ROBO1: variants seen among roughly 807,000 people sequenced by gnomAD.
ROBO1 encodes roundabout homolog 1.
Under a neutral mutation model 195.9 loss-of-function variants are expected in ROBO1, and 149 were observed. That is an observed-to-expected ratio of 0.76 (90% CI 0.67 to 0.87). The LOEUF (loss-of-function observed/expected upper bound fraction) is 0.87. Among genes scored for constraint, ROBO1 ranks in the 40% least tolerant of loss-of-function variants. The probability of loss-of-function intolerance (pLI) is 0.00; values close to 1 mark genes in which losing one functional copy is unlikely to be tolerated. For missense variants in ROBO1, 1,933 were observed against 2,068.3 expected (o/e 0.93, Z 1.27); for synonymous variants, 816 against 733.2 (o/e 1.11, Z -1.82).
chr3:78,914,852 G>A (rs1408030930), intron 4 of ROBO1, among the ~76,000 whole-genome samples: 1 of 149,950 alleles, frequency 6.7e-6, no homozygotes, highest in African/African-American at 2.4e-5. Context: ...CATACATGAA[G>A]AAAATACATT....
intron 2 of ROBO1, among the ~76,000 whole-genome samples, chr3:79,415,904 T>G (rs1040654711): frequency 6.6e-6 from 1 of 152,126 alleles, no homozygotes; most frequent in Non-Finnish European, 1.5e-5. Context: ...CAGCTAGGTT[T>G]CTGGGATAAA....
intron 2 of ROBO1, among the ~76,000 whole-genome samples, chr3:79,133,793 T>A (rs1461476273): frequency 1.5e-4 from 20 of 135,744 alleles, no homozygotes; most frequent in South Asian, 5.2e-4. Flanking sequence ...TTCTGTTCTG[T>A]TTTTTCCCCA....
At chr3:79,542,317 T>C (rs1942102372) in intron 2 of ROBO1, among the ~76,000 whole-genome samples, 1 of 152,082 alleles carries the variant, frequency 6.6e-6, no homozygotes, top group Non-Finnish European at 1.5e-5. Context: ...CTTCAAGTGT[T>C]TATTCTCTAT....
intron 2 of ROBO1, among the ~76,000 whole-genome samples, chr3:79,434,066 C>A (rs1048897587): frequency 1.3e-5 from 2 of 152,134 alleles, no homozygotes; most frequent in African/African-American, 2.4e-5. Context: ...AAAATTAATT[C>A]AAGATGCATT....
Position 79,618,766 on chromosome 3 carries a change from C to T in ROBO1, c.-50-28805G>A, listed in dbSNP as rs148875350. ...CCATGAGGAGATCCACCTACGACCT[C>T]GGGTCCACAGACCAGCCCAAGGAAC... On this transcript the variant is annotated intron_variant, in intron 1 of 30. Transcript: ENST00000464233. Among the ~76,000 whole-genome samples the T allele has an allele frequency of 2.7e-3, 406 of 152,220 alleles. 1 individual carries two copies. The highest frequency in any genetic ancestry group is 4.5e-3 in the African/African-American group (189 of 41,544).
Position 78,809,905 on chromosome 3 carries a change from T to C in ROBO1, c.500-63005A>G, listed in dbSNP as rs1299754969. Among the ~76,000 whole-genome samples, 4 of 151,354 alleles carry C rather than the reference T, an allele frequency of 2.6e-5. No homozygotes were observed. The East Asian group carries it at 7.8e-4, about 30-fold the overall frequency. The stretch of plus-strand genomic sequence containing the variant: ...CTAATGTAGATGACGGGTTGATGGG[T>C]GCAGCAAACCACCATGGCATGTGTA... On this transcript the variant is annotated intron_variant, in intron 4 of 30. Coordinates refer to ENST00000464233, the MANE Select transcript of ROBO1 (RefSeq NM_002941.4).
At chr3:79,410,666 GA>G (rs2037730723) in intron 2 of ROBO1, among the ~76,000 whole-genome samples, 1 of 151,188 alleles carries the variant, frequency 6.6e-6, no homozygotes, top group Non-Finnish European at 1.5e-5. Context: ...GGGAGGGAAA[GA>G]AAGAAAGAAA....
At chr3:78,629,068 C>T (rs1559667048) in intron 25 of ROBO1, among the ~76,000 whole-genome samples, 1 of 151,818 alleles carries the variant, frequency 6.6e-6, no homozygotes, top group Non-Finnish European at 1.5e-5. Context: ...TCTGCATAAT[C>T]TGGCTTACAT....
intron 1 of ROBO1, among the ~76,000 whole-genome samples, chr3:79,716,617 C>T (rs1023722143): frequency 6.6e-6 from 1 of 151,812 alleles, no homozygotes; most frequent in African/African-American, 2.4e-5. Flanking sequence ...AAAAAATAAT[C>T]ATTCTGACAA....
chr3:79,464,183 T>C (rs1017922588), intron 2 of ROBO1, among the ~76,000 whole-genome samples: 1 of 152,208 alleles, frequency 6.6e-6, no homozygotes, highest in African/African-American at 2.4e-5. Context: ...AATTGATACT[T>C]GGGTTTTCAC....
intron 18 of ROBO1, among the ~76,000 whole-genome samples, chr3:78,654,746 A>G (rs1321850706): frequency 2.0e-5 from 3 of 152,174 alleles, no homozygotes; most frequent in Admixed American, 1.3e-4. Flanking sequence ...AAGGAAACCA[A>G]TTTGGCCCTA....
intron 1 of ROBO1, among the ~76,000 whole-genome samples, chr3:79,603,258 A>G (rs115527013): frequency 0.018 from 2,544 of 138,684 alleles, 39 homozygotes; most frequent in Non-Finnish European, 0.028. Context: ...CCTCCTCATC[A>G]GGGAGACCAG....
At chr3:79,088,716 G>T (rs1298109511) in intron 3 of ROBO1, among the ~76,000 whole-genome samples, 1 of 152,060 alleles carries the variant, frequency 6.6e-6, no homozygotes, top group Non-Finnish European at 1.5e-5. Flanking sequence ...TTGTGAAGAA[G>T]AATTATCTGG....
At chr3:79,149,914 T>C (rs1481920322) in intron 2 of ROBO1, among the ~76,000 whole-genome samples, 1 of 151,744 alleles carries the variant, frequency 6.6e-6, no homozygotes, top group Non-Finnish European at 1.5e-5. Flanking sequence ...CATTTCAAAA[T>C]GGTTACTTTT....
intron 2 of ROBO1, among the ~76,000 whole-genome samples, chr3:79,379,673 A>C (rs17016903): frequency 0.034 from 5,235 of 152,296 alleles, 201 homozygotes; most frequent in African/African-American, 0.098. Flanking sequence ...GTAATATTGT[A>C]AGATAAGGCT....
At chr3:79,355,047 T>C (rs1273269307) in intron 2 of ROBO1, among the ~76,000 whole-genome samples, 1 of 152,062 alleles carries the variant, frequency 6.6e-6, no homozygotes, top group Non-Finnish European at 1.5e-5. Flanking sequence ...GCGCCTGTAA[T>C]CCCAGGTACT....
At chr3:78,785,372 T>G (rs1192074994) in intron 4 of ROBO1, among the ~76,000 whole-genome samples, 1 of 152,208 alleles carries the variant, frequency 6.6e-6, no homozygotes, top group Non-Finnish European at 1.5e-5. Flanking sequence ...TCTCTCTTTG[T>G]CAGGCTCCTA....
intron 2 of ROBO1, among the ~76,000 whole-genome samples, chr3:79,575,936 C>G (rs1454661622): frequency 2.0e-5 from 3 of 151,882 alleles, no homozygotes; most frequent in Admixed American, 6.6e-5. Flanking sequence ...TAACCTGGCT[C>G]TCTTACATAA....
At chr3:79,234,918 G>A (rs906753483) in intron 2 of ROBO1, among the ~76,000 whole-genome samples, 2 of 152,008 alleles carry the variant, frequency 1.3e-5, no homozygotes, top group Admixed American at 6.6e-5. Flanking sequence ...CTAAACCTCA[G>A]AATCATGCAA....
Sources: gnomAD v4.1 joint callset for allele counts (sites outside exome capture counted in the v4.1 genomes callset) on GRCh38, gnomAD v4.1.1 for gene constraint, MANE v1.5 for transcripts, NCBI Gene and HGNC (gene_info 2026-07-23, HGNC 2026-07-21) for gene names.